The following IL1RAPL2 variants were observed in gnomAD, a reference collection of about 807,000 sequenced individuals.
IL1RAPL2 encodes the protein interleukin 1 receptor accessory protein like 2.
A neutral mutation model predicts 44.1 loss-of-function variants in IL1RAPL2; 3 were observed. That is an observed-to-expected ratio of 0.07 (90% CI 0.03 to 0.18). The LOEUF is 0.18. Ranked by LOEUF, IL1RAPL2 falls within the 10% of genes least tolerant of loss-of-function variation. IL1RAPL2 has a pLI of 1.00. For synonymous variants in IL1RAPL2, 181 were observed against 178.8 expected, an observed-to-expected ratio of 1.01 and a Z score of -0.10; for missense variants, 391 against 496.4, an observed-to-expected ratio of 0.79 and a Z score of 2.02.
At chrX:105,416,590 AC>A (rs763351471) in intron 5 of IL1RAPL2, among the ~76,000 whole-genome samples, 9 of 112,190 alleles carry the variant, frequency 8.0e-5, no homozygotes, top group African/African-American at 2.9e-4. Flanking sequence ...ATAAATGTAA[AC>A]TATTATTTTT....
intron 5 of IL1RAPL2, among the ~76,000 whole-genome samples, chrX:105,274,213 T>G (rs1480175770): frequency 8.9e-6 from 1 of 112,098 alleles, no homozygotes; most frequent in Non-Finnish European, 1.9e-5. Flanking sequence ...CATTTTGAAC[T>G]TAGTCCTTAG....
At chrX:104,963,856 A>G (rs1348405764) in intron 2 of IL1RAPL2, among the ~76,000 whole-genome samples, 1 of 110,940 alleles carries the variant, frequency 9.0e-6, no homozygotes, top group Admixed American at 9.6e-5. Context: ...CATAAAGGTA[A>G]GTATCTTGCA....
chrX:104,879,579 T>C (rs1923007771), intron 2 of IL1RAPL2, among the ~76,000 whole-genome samples: 1 of 111,471 alleles, frequency 9.0e-6, no homozygotes, highest in Non-Finnish European at 1.9e-5. Flanking sequence ...TTGAGTAAAC[T>C]TTATATTTCC....
At chrX:105,216,164 C>G (rs1556165681) in intron 3 of IL1RAPL2, among the ~76,000 whole-genome samples, 1 of 111,332 alleles carries the variant, frequency 9.0e-6, no homozygotes, top group Admixed American at 9.6e-5. Context: ...GAGAGGAAGT[C>G]AAATTGTCTC....
intron 5 of IL1RAPL2, among the ~76,000 whole-genome samples, chrX:105,414,253 G>T (rs1371027223): frequency 9.1e-6 from 1 of 110,303 alleles, no homozygotes; most frequent in African/African-American, 3.3e-5. Flanking sequence ...TCAGCCTCCC[G>T]AGTAGCCGGG....
At position 104,775,315 on chromosome X, in the gene IL1RAPL2, G is replaced by A. The variant is rs768525511; in HGVS notation, c.82+116320G>A. 1.3e-3 allele frequency among the ~76,000 whole-genome samples: 151 copies of A among 111,895 alleles called. 1 individual carries two copies. The highest frequency in any genetic ancestry group is 4.7e-3 in the African/African-American group (146 of 30,824). ...GCTGTAGATGATCAAATAATCAGTG[G>A]CCATTAAAACACACAGGGGAGTTGC... On this transcript the variant is annotated intron_variant, in intron 2 of 10. Transcript: ENST00000372582.
chrX:105,099,737 A>G (rs1051250798), intron 2 of IL1RAPL2, among the ~76,000 whole-genome samples: 10 of 109,291 alleles, frequency 9.1e-5, no homozygotes, highest in Non-Finnish European at 1.9e-4. Context: ...AAATGCTGGG[A>G]CTACAGGCGT....
intron 2 of IL1RAPL2, among the ~76,000 whole-genome samples, chrX:104,935,680 A>G (rs774268660): frequency 4.2e-4 from 47 of 112,295 alleles, no homozygotes; most frequent in Non-Finnish European, 8.4e-4. Flanking sequence ...TTTCACTTGT[A>G]AAGTGTGCCA....
At chrX:105,393,583 A>T (rs968139827) in intron 5 of IL1RAPL2, among the ~76,000 whole-genome samples, 1 of 111,124 alleles carries the variant, frequency 9.0e-6, no homozygotes, top group Non-Finnish European at 1.9e-5. Flanking sequence ...TTTAAGGTTA[A>T]TCTATAAACT....
At chrX:105,080,648 G>C (rs1040284406) in intron 2 of IL1RAPL2, among the ~76,000 whole-genome samples, 14 of 111,910 alleles carry the variant, frequency 1.3e-4, no homozygotes, top group Non-Finnish European at 2.1e-4. Flanking sequence ...AAGTCAGGTA[G>C]TGTGATGCCT....
intron 2 of IL1RAPL2, among the ~76,000 whole-genome samples, chrX:104,843,424 T>C (rs1201147247): frequency 9.0e-6 from 1 of 110,814 alleles, no homozygotes; most frequent in Non-Finnish European, 1.9e-5. Flanking sequence ...GGTTCTCCTG[T>C]CTCGCTGGAG....
rs188290076 is a variant in IL1RAPL2, at chrX:105,689,269, A to G, written c.773-28098A>G. Among the ~76,000 whole-genome samples the G allele has an allele frequency of 3.8e-3, 429 of 111,994 alleles. 4 individuals are homozygous for G. Among genetic ancestry groups the G allele is most frequent in the African/African-American group, 0.013 (403 of 30,760 alleles). ...CTTCTGCATGGCAAAAGAAACTACC[A>G]TCAGAGTGAACAGGCAACCTATAAA... On this transcript the variant is annotated intron_variant, in intron 6 of 10. Coordinates refer to ENST00000372582, the MANE Select transcript of IL1RAPL2 (RefSeq NM_017416.2).
At position 105,749,087 on chromosome X, in the gene IL1RAPL2, T is replaced by C. The variant is rs111721176; in HGVS notation, c.1176T>C (p.Ala392=). The C allele has an allele frequency of 4.1e-6, 5 of 1,207,199 alleles. No homozygotes were observed. The highest frequency in any genetic ancestry group is 3.5e-5 in the African/African-American group (2 of 57,728). ...LMLFYRQHFG[A]DETNDDNKEY... ...TCTTCTACAGGCAGCACTTTGGAGC[T>C]GATGAAACTAATGATGGTAAGCTGT... Residue 392 remains alanine, a synonymous_variant, in exon 9 of 11, where the codon GCT becomes GCC. Coordinates refer to ENST00000372582, the MANE Select transcript of IL1RAPL2 (RefSeq NM_017416.2).
At chrX:104,774,915 T>C (rs1470319151) in intron 2 of IL1RAPL2, among the ~76,000 whole-genome samples, 3 of 111,860 alleles carry the variant, frequency 2.7e-5, no homozygotes, top group Non-Finnish European at 5.6e-5. Context: ...AACCCTCTCA[T>C]TTATTATGCT....
chrX:105,051,691 G>A (rs1419112555), intron 2 of IL1RAPL2, among the ~76,000 whole-genome samples: 6 of 113,109 alleles, frequency 5.3e-5, no homozygotes, highest in African/African-American at 1.6e-4. Flanking sequence ...GCCTCCCACC[G>A]GCTGCATGGA....
chrX:104,716,884 A>C (rs1380676148), intron 2 of IL1RAPL2, among the ~76,000 whole-genome samples: 1 of 111,811 alleles, frequency 8.9e-6, no homozygotes, highest in Non-Finnish European at 1.9e-5. Flanking sequence ...AAGACCTAAA[A>C]CAGAAATACC....
At chrX:105,160,817 T>A (rs1268488038) in intron 2 of IL1RAPL2, among the ~76,000 whole-genome samples, 1 of 112,182 alleles carries the variant, frequency 8.9e-6, no homozygotes, top group African/African-American at 3.2e-5. Flanking sequence ...ATTTAATTCT[T>A]CCAAATACAA....
chrX:105,244,949 C>A (rs2034206026), intron 4 of IL1RAPL2, among the ~76,000 whole-genome samples: 1 of 111,533 alleles, frequency 9.0e-6, no homozygotes, highest in South Asian at 3.7e-4. Context: ...CTTATTTGAA[C>A]ACATTTTGAA....
intron 2 of IL1RAPL2, among the ~76,000 whole-genome samples, chrX:105,141,547 A>G (rs1338725961): frequency 8.9e-6 from 1 of 111,865 alleles, no homozygotes; most frequent in Non-Finnish European, 1.9e-5. Context: ...TTAGTTTTAA[A>G]TAGAGCCCCC....
Sources: gnomAD v4.1 joint callset for allele counts (sites outside exome capture counted in the v4.1 genomes callset) on GRCh38, gnomAD v4.1.1 for gene constraint, MANE v1.5 for transcripts, NCBI Gene and HGNC (gene_info 2026-07-23, HGNC 2026-07-21) for gene names.